RBPJ: variants seen among roughly 807,000 people sequenced by gnomAD.
The protein encoded by RBPJ is recombining binding protein suppressor of hairless.
In RBPJ, 9 loss-of-function variants were observed where a neutral mutation model predicts 67.8. That is an observed-to-expected ratio of 0.13 (90% CI 0.08 to 0.23). The LOEUF (loss-of-function observed/expected upper bound fraction) is 0.23, where lower values mean the gene tolerates loss of function less well. Among genes scored for constraint, RBPJ ranks in the 10% least tolerant of loss-of-function variants. RBPJ has a pLI of 1.00. For synonymous variants in RBPJ, 198 were observed against 203.3 expected (o/e 0.97, Z 0.22); for missense variants, 305 against 595.6 (o/e 0.51, Z 5.08).
intron 1 of RBPJ, among the ~76,000 whole-genome samples, chr4:26,258,380 T>C (rs1416836250): frequency 2.6e-5 from 4 of 152,204 alleles, no homozygotes; most frequent in Non-Finnish European, 4.4e-5. Flanking sequence ...CCTCCATTAA[T>C]AAAATAGGAT....
chr4:26,256,166 CAT>C (rs917139269), intron 1 of RBPJ, among the ~76,000 whole-genome samples: 12 of 152,138 alleles, frequency 7.9e-5, no homozygotes, highest in African/African-American at 2.7e-4. Flanking sequence ...ATCACAACCA[CAT>C]GTTATAGTGT....
intron 1 of RBPJ, among the ~76,000 whole-genome samples, chr4:26,211,408 T>C (rs1045868109): frequency 2.6e-5 from 4 of 152,182 alleles, no homozygotes; most frequent in Non-Finnish European, 5.9e-5. Flanking sequence ...AAATAGATAT[T>C]TACACAATAA....
intron 5 of RBPJ, among the ~76,000 whole-genome samples, chr4:26,422,213 T>C (rs894261704): frequency 7.2e-4 from 10 of 13,812 alleles, no homozygotes; most frequent in Admixed American, 2.7e-3. Flanking sequence ...ATTATCCCCT[T>C]TTTTTTTTTT....
At chr4:26,245,090 A>G (rs1158378140) in intron 1 of RBPJ, among the ~76,000 whole-genome samples, 2 of 151,640 alleles carry the variant, frequency 1.3e-5, no homozygotes, top group East Asian at 3.9e-4. Context: ...TCAAGTTTGT[A>G]CAACAATCAC....
chr4:26,214,161 G>A (rs987746883), intron 1 of RBPJ, among the ~76,000 whole-genome samples: 1 of 148,194 alleles, frequency 6.7e-6, no homozygotes, highest in Non-Finnish European at 1.5e-5. Context: ...GAGAAAGAGA[G>A]AAAAGAGAGA....
chr4:26,349,087 T>TGTGC (rs1553867463), intron 1 of RBPJ, among the ~76,000 whole-genome samples: 1 of 67,652 alleles, frequency 1.5e-5, no homozygotes, highest in African/African-American at 4.2e-5. Context: ...TGTGTGTGTG[T>TGTGC]GCGCGCGCGC....
upstream of RBPJ, among the ~76,000 whole-genome samples, chr4:26,319,496 G>T (rs1336523792): frequency 7.8e-6 from 1 of 127,612 alleles, no homozygotes; most frequent in Non-Finnish European, 1.6e-5. Context: ...GCCGCCCGCC[G>T]CCCGCCTCCC....
At chr4:26,115,957 ACT>A in the RBPJ span, among the ~76,000 whole-genome samples, 2 of 151,328 alleles carry the variant, frequency 1.3e-5, no homozygotes, top group African/African-American at 4.9e-5. Flanking sequence ...AAAAAAAAAA[ACT>A]CTACAATAGT....
At chr4:26,194,468 A>T (rs991035701) in intron 1 of RBPJ, among the ~76,000 whole-genome samples, 33 of 152,198 alleles carry the variant, frequency 2.2e-4, no homozygotes, top group African/African-American at 7.5e-4. Flanking sequence ...CACTTTAATA[A>T]TCTTGTGCCC....
At chr4:26,217,583 C>A (rs558692851) in intron 1 of RBPJ, among the ~76,000 whole-genome samples, 2 of 152,102 alleles carry the variant, frequency 1.3e-5, no homozygotes, top group South Asian at 4.1e-4. Flanking sequence ...AAGCAGCTAC[C>A]CCAGGGTTCA....
At chr4:26,320,664 C>T (rs1438843701), upstream of RBPJ, 17 of 1,444,962 alleles carry the variant, frequency 1.2e-5, no homozygotes, top group South Asian at 5.6e-5. Flanking sequence ...CCCTCCATTC[C>T]TCGTCCCCGT....
At chr4:26,304,339 G>C (rs1010393703) in intron 1 of RBPJ, among the ~76,000 whole-genome samples, 1 of 152,094 alleles carries the variant, frequency 6.6e-6, no homozygotes, top group African/African-American at 2.4e-5. Context: ...ACGTGTTTTC[G>C]GTTCTCTTAA....
chr4:26,408,593 C>T (rs577566178), intron 3 of RBPJ, among the ~76,000 whole-genome samples: 31 of 152,284 alleles, frequency 2.0e-4, no homozygotes, highest in African/African-American at 7.5e-4. Context: ...TTCATATTGG[C>T]TCCAATCATG....
At chr4:26,320,791 C>G, upstream of RBPJ, 1 of 1,555,848 alleles carries the variant, frequency 6.4e-7, no homozygotes, top group Non-Finnish European at 8.7e-7. Context: ...GCGGAGGAGC[C>G]GCCTGCGCAT....
upstream of RBPJ, among the ~76,000 whole-genome samples, chr4:26,316,360 C>CAT (rs775101377): frequency 2.6e-4 from 37 of 144,322 alleles, no homozygotes; most frequent in South Asian, 4.3e-4. Flanking sequence ...TTCATATATA[C>CAT]ATTCATATAT....
chr4:26,216,992 A>G (rs79901266), intron 1 of RBPJ, among the ~76,000 whole-genome samples: 3,799 of 152,220 alleles, frequency 0.025, 72 homozygotes, highest in Non-Finnish European at 0.037. Context: ...TGCTTTGTGG[A>G]GAATGGATGT....
chr4:26,369,372 T>G (rs1728936736), intron 1 of RBPJ, among the ~76,000 whole-genome samples: 1 of 152,224 alleles, frequency 6.6e-6, no homozygotes, highest in Admixed American at 6.5e-5. Context: ...AGATTTCCCT[T>G]ACCAAATGAT....
At chr4:26,208,492 A>T (rs1209811089) in intron 1 of RBPJ, among the ~76,000 whole-genome samples, 2 of 152,212 alleles carry the variant, frequency 1.3e-5, no homozygotes, top group Non-Finnish European at 2.9e-5. Flanking sequence ...CACAAAGAAC[A>T]ATAGTCTTTC....
chr4:26,314,556 A>C (rs1048697444), intron 1 of RBPJ, among the ~76,000 whole-genome samples: 1 of 152,046 alleles, frequency 6.6e-6, no homozygotes, highest in African/African-American at 2.4e-5. Context: ...ATAGTGAGTG[A>C]GTTCTTGTGA....
Sources: gnomAD v4.1 joint callset for allele counts (sites outside exome capture counted in the v4.1 genomes callset) on GRCh38, gnomAD v4.1.1 for gene constraint, MANE v1.5 for transcripts, NCBI Gene and HGNC (gene_info 2026-07-23, HGNC 2026-07-21) for gene names.